The following TTC27 variants were observed in gnomAD, a reference collection of about 807,000 sequenced individuals.
TTC27 encodes the protein tetratricopeptide repeat domain 27.
Under a neutral mutation model 115.9 loss-of-function variants are expected in TTC27, and 79 were observed. The ratio of observed to expected loss-of-function variants is 0.68; its 90% CI spans 0.57 to 0.82. The LOEUF is 0.82. Among genes scored for constraint, TTC27 ranks in the 40% least tolerant of loss-of-function variants. The pLI, the probability that TTC27 is intolerant of heterozygous loss-of-function variation, is 0.00. For missense variants in TTC27, 1,054 were observed against 993.1 expected (o/e 1.06, Z -0.82); for synonymous variants, 401 against 356.0 (o/e 1.13, Z -1.42).
At chr2:32,755,207 G>A (rs113783496) in intron 12 of TTC27, among the ~76,000 whole-genome samples, 1 of 152,150 alleles carries the variant, frequency 6.6e-6, no homozygotes, top group Non-Finnish European at 1.5e-5. Context: ...CTGCAATCTC[G>A]GCACTTTGGG....
intron 5 of TTC27, among the ~76,000 whole-genome samples, chr2:32,662,291 T>A (rs981514393): frequency 6.6e-6 from 1 of 152,210 alleles, no homozygotes; most frequent in African/African-American, 2.4e-5. Context: ...ATAAAATGAG[T>A]TAGGGAGGAG....
chr2:32,743,038 G>A (rs1259986416), intron 12 of TTC27, among the ~76,000 whole-genome samples: 2 of 152,006 alleles, frequency 1.3e-5, no homozygotes, highest in Non-Finnish European at 2.9e-5. Context: ...TGCTCTTCAT[G>A]TGGTCCTCAA....
intron 12 of TTC27, among the ~76,000 whole-genome samples, chr2:32,737,374 G>C (rs1168165151): frequency 3.9e-5 from 6 of 152,082 alleles, no homozygotes; most frequent in Non-Finnish European, 8.8e-5. Context: ...AGAAGAATAA[G>C]GGGCTCTGCA....
chr2:32,704,248 A>G (rs1667288877), intron 10 of TTC27, among the ~76,000 whole-genome samples: 1 of 151,952 alleles, frequency 6.6e-6, no homozygotes, highest in Non-Finnish European at 1.5e-5. Context: ...GTGCAGTGGC[A>G]CAATCTGGGC....
At chr2:32,687,965 A>T (rs535971408) in intron 9 of TTC27, among the ~76,000 whole-genome samples, 1 of 152,228 alleles carries the variant, frequency 6.6e-6, no homozygotes, top group African/African-American at 2.4e-5. Flanking sequence ...ATTGATGTTT[A>T]TGGAATACAC....
At chr2:32,646,403 A>T (rs1041982708) in intron 4 of TTC27, among the ~76,000 whole-genome samples, 44 of 151,886 alleles carry the variant, frequency 2.9e-4, no homozygotes, top group African/African-American at 9.9e-4. Context: ...TCGTGGCTTC[A>T]AGTGATCTTC....
intron 3 of TTC27, among the ~76,000 whole-genome samples, chr2:32,639,071 A>T (rs1356948414): frequency 6.6e-6 from 1 of 151,708 alleles, no homozygotes; most frequent in Non-Finnish European, 1.5e-5. Context: ...TGACCTCGTG[A>T]TCCGCCCGCC....
Position 32,812,623 on chromosome 2 carries a change from A to G in TTC27, c.2308+8A>G. 6.3e-7 allele frequency: 1 copy of G among 1,594,616 alleles called. No homozygotes were observed. The highest frequency in any genetic ancestry group is 8.6e-7 in the Non-Finnish European group (1 of 1,162,656). The stretch of plus-strand genomic sequence containing the variant: ...CCTTAGGACTTGCACATGGTATTTG[A>G]TGTAACATTTGATATCCATGGAATG... On this transcript the variant is annotated splice_region_variant and intron_variant, in intron 18 of 19. Coordinates refer to ENST00000317907, the MANE Select transcript of TTC27 (RefSeq NM_017735.5).
At chr2:32,640,120 A>G (rs1664585248) in intron 3 of TTC27, 150 bp from the exon 4 acceptor site, 1 of 702,716 alleles carries the variant, frequency 1.4e-6, no homozygotes, top group Admixed American at 2.9e-5. Flanking sequence ...TTGCAGTGTT[A>G]TAATTCTGTC....
At chr2:32,665,553 T>G (rs1194603165) in intron 6 of TTC27, among the ~76,000 whole-genome samples, 1 of 152,240 alleles carries the variant, frequency 6.6e-6, no homozygotes, top group African/African-American at 2.4e-5. Context: ...TTCACAAATA[T>G]GAGAATCAGG....
rs142995506 is a variant in TTC27 at position 32,755,629 on chromosome 2, C to CGGAGAGGGAGAG, written c.1453-2652_1453-2641dup. 5.9e-3 allele frequency among the ~76,000 whole-genome samples: 887 copies of CGGAGAGGGAGAG among 150,414 alleles called. 13 individuals are homozygous for CGGAGAGGGAGAG. Among genetic ancestry groups the CGGAGAGGGAGAG allele is most frequent in the African/African-American group, 0.02 (825 of 40,964 alleles). On this transcript the variant is annotated intron_variant, in intron 12 of 19. Transcript: ENST00000317907. ...GAGGGAGAGGGAGACCGTGGGGAGA[C>CGGAGAGGGAGAG]GGAGAGGGAGAGGGAGAGGGAGCCG...
rs142030247 is a variant in TTC27, at chr2:32,682,844, G to GTTTTTTTTTTTTTT, written c.1119+3924_1119+3925insTTTTTTTTTTTTTT. 2.7e-3 allele frequency among the ~76,000 whole-genome samples: 151 copies of GTTTTTTTTTTTTTT among 56,960 alleles called. 36 individuals are homozygous for GTTTTTTTTTTTTTT. Among genetic ancestry groups the GTTTTTTTTTTTTTT allele is most frequent in the Middle Eastern group, 0.02 (1 of 50 alleles). The allele number at this position is 56,960 out of a possible 152,430, so 37.4% of individuals were successfully genotyped here. A position where few individuals can be genotyped will look rare whatever the true frequency, so the allele number is the denominator to read the frequency against. ...CCACCACACCCGGATAATTTTTATT[G>GTTTTTTTTTTTTTT]TTGTTTTTTTTTTTTTTTTTTTTTT... On this transcript the variant is annotated intron_variant, in intron 9 of 19. Coordinates refer to ENST00000317907, the MANE Select transcript of TTC27 (RefSeq NM_017735.5).
intron 5 of TTC27, among the ~76,000 whole-genome samples, chr2:32,663,636 TTATGTATGTATGTATG>T (rs70938357): frequency 9.3e-4 from 136 of 146,506 alleles, no homozygotes; most frequent in Non-Finnish European, 1.2e-3. Context: ...CACCCCCTAT[TTATGTATGTATGTATG>T]TATGTATGTA....
intron 12 of TTC27, among the ~76,000 whole-genome samples, chr2:32,753,192 A>G (rs4952289): frequency 0.2 from 31,110 of 151,958 alleles, 3,522 homozygotes; most frequent in South Asian, 0.37. Context: ...TGATGACTAC[A>G]GGGAGTAGGA....
At chr2:32,800,273 C>T (rs1484090894) in intron 16 of TTC27, among the ~76,000 whole-genome samples, 3 of 152,048 alleles carry the variant, frequency 2.0e-5, no homozygotes, top group East Asian at 1.9e-4. Flanking sequence ...CTGCAACCTC[C>T]GCCTCCCAGG....
chr2:32,628,415 T>C (rs749453970), intron 1 of TTC27, 35 bp downstream of exon 1: 1 of 1,518,334 alleles, frequency 6.6e-7, no homozygotes, highest in South Asian at 1.3e-5. Flanking sequence ...TAGGCTATCG[T>C]GGGAACTGTG....
chr2:32,692,044 T>TTTTGTTTTTTTTG (rs1666836207), intron 9 of TTC27, among the ~76,000 whole-genome samples: 1 of 117,264 alleles, frequency 8.5e-6, no homozygotes, highest in Non-Finnish European at 1.8e-5. Flanking sequence ...AGGTTTTTTT[T>TTTTGTTTTTTTTG]TTTTTTTTTT....
intron 9 of TTC27, among the ~76,000 whole-genome samples, chr2:32,701,319 T>C (rs1414756468): frequency 6.6e-6 from 1 of 152,260 alleles, no homozygotes; most frequent in Non-Finnish European, 1.5e-5. Flanking sequence ...TACTCTACTT[T>C]CTAATGTTTC....
intron 10 of TTC27, among the ~76,000 whole-genome samples, chr2:32,705,378 C>T (rs952536039): frequency 2.0e-5 from 3 of 152,154 alleles, no homozygotes; most frequent in Non-Finnish European, 1.5e-5. Context: ...TTTACAGCAA[C>T]ACAAAACAGA....
Sources: gnomAD v4.1 joint callset for allele counts (sites outside exome capture counted in the v4.1 genomes callset) on GRCh38, gnomAD v4.1.1 for gene constraint, MANE v1.5 for transcripts, NCBI Gene and HGNC (gene_info 2026-07-23, HGNC 2026-07-21) for gene names.